The following PLIN3 variants were observed in gnomAD, a reference collection of about 807,000 sequenced individuals.
The protein encoded by PLIN3 is perilipin 3, also known as perilipin-3.
Under a neutral mutation model 35.9 loss-of-function variants are expected in PLIN3, and 30 were observed. The ratio of observed to expected loss-of-function variants is 0.84; its 90% CI spans 0.62 to 1.13. The LOEUF is 1.13. Among genes scored for constraint, PLIN3 ranks in the 50% most tolerant of loss-of-function variants. The pLI is 0.00. For synonymous variants in PLIN3, 261 were observed against 262.5 expected, an observed-to-expected ratio of 0.99 and a Z score of 0.06; for missense variants, 603 against 596.9, an observed-to-expected ratio of 1.01 and a Z score of -0.11.
At chr19:4,856,623 C>T (rs2030484006) in intron 4 of PLIN3, among the ~76,000 whole-genome samples, 1 of 151,744 alleles carries the variant, frequency 6.6e-6, no homozygotes, top group East Asian at 1.9e-4. Context: ...GACACAGCCA[C>T]AAAGCAGGCA....
At chr19:4,849,131 C>G (rs897795531) in intron 5 of PLIN3, among the ~76,000 whole-genome samples, 2 of 151,714 alleles carry the variant, frequency 1.3e-5, no homozygotes, top group Admixed American at 1.3e-4. Context: ...CGGCAAGACA[C>G]CTGGCTAATT....
chr19:4,858,992 G>A (rs927249239), intron 4 of PLIN3, among the ~76,000 whole-genome samples: 6 of 151,910 alleles, frequency 3.9e-5, no homozygotes, highest in Admixed American at 2.0e-4. Flanking sequence ...ATGAGCCACC[G>A]CGCCCGGCCA....
chr19:4,847,603 G>C (rs936747806), intron 6 of PLIN3, 88 bp downstream of exon 6: 46 of 1,101,054 alleles, frequency 4.2e-5, no homozygotes, highest in South Asian at 1.6e-4. Context: ...CCTGCAGAGG[G>C]GTGAGCAATA....
chr19:4,839,612 A>T, intron 7 of PLIN3, 76 bp from the exon 8 acceptor site: 1 of 1,125,090 alleles, frequency 8.9e-7, no homozygotes, highest in Non-Finnish European at 1.2e-6. Flanking sequence ...CCAGGGAAAG[A>T]GGGGAAGAGG....
At chr19:4,864,078 A>G (rs1298500759) in intron 1 of PLIN3, among the ~76,000 whole-genome samples, 1 of 147,376 alleles carries the variant, frequency 6.8e-6, no homozygotes, top group Non-Finnish European at 1.5e-5. Context: ...GACTACAGGC[A>G]CGCACCACCA....
chr19:4,859,775 C>T, intron 3 of PLIN3, 51 bp downstream of exon 3: 1 of 1,606,212 alleles, frequency 6.2e-7, no homozygotes, highest in Non-Finnish European at 8.5e-7. Context: ...TACTCCCCAC[C>T]CAGGGAAATG....
intron 1 of PLIN3, 131 bp downstream of exon 1, chr19:4,867,478 C>G (rs1000998994): frequency 6.6e-6 from 1 of 152,140 alleles, no homozygotes; most frequent in Non-Finnish European, 1.5e-5. Context: ...GCTGAAGACC[C>G]CTCCCCAGGC....
intron 6 of PLIN3, among the ~76,000 whole-genome samples, chr19:4,845,382 C>T (rs534221750): frequency 1.4e-4 from 21 of 151,980 alleles, no homozygotes; most frequent in South Asian, 2.1e-4. Context: ...GCTGAGATTG[C>T]GCCACTGCAC....
At chr19:4,855,518 AT>A (rs1488281963) in intron 4 of PLIN3, among the ~76,000 whole-genome samples, 1 of 152,060 alleles carries the variant, frequency 6.6e-6, no homozygotes. Flanking sequence ...ATGGCTGGGC[AT>A]AGTGGCTCAC....
Position 4,844,698 on chromosome 19 carries a change from C to T in PLIN3, c.930G>A (p.Gln310=). The T allele has an allele frequency of 6.2e-7, 1 of 1,609,498 alleles. No homozygotes were observed. Among genetic ancestry groups the T allele is most frequent in the Non-Finnish European group, 8.5e-7 (1 of 1,178,256 alleles). ...GCTTGGGCGGCTCCTTCTCGGGGCC[C>T]TGGAGCTGCTTCTGGTTCCAGCTGA... ...MWLSWNQKQL[Q]GPEKEPPKPE... The change falls in exon 7 of 8, where the codon CAG becomes CAA. Residue 310 remains glutamine (Q), a synonymous_variant. Transcript: ENST00000221957.
At chr19:4,847,602 G>A (rs1416643595) in intron 6 of PLIN3, 89 bp downstream of exon 6, 1 of 1,089,452 alleles carries the variant, frequency 9.2e-7, no homozygotes, top group Non-Finnish European at 1.4e-6. Context: ...GCCTGCAGAG[G>A]GGTGAGCAAT....
intron 5 of PLIN3, 130 bp from the exon 6 acceptor site, chr19:4,848,020 G>A: frequency 1.4e-6 from 1 of 736,140 alleles, no homozygotes; most frequent in Non-Finnish European, 2.2e-6. Flanking sequence ...GTCTCGCTCT[G>A]TCGCCCAGGT....
At chr19:4,851,940 C>G (rs529607715) in intron 5 of PLIN3, 76 bp downstream of exon 5, 2 of 1,469,282 alleles carry the variant, frequency 1.4e-6, no homozygotes, top group African/African-American at 1.4e-5. Flanking sequence ...TCGGCACAGA[C>G]CCCAGGAGGC....
intron 4 of PLIN3, among the ~76,000 whole-genome samples, chr19:4,857,236 G>C (rs2030504473): frequency 6.6e-6 from 1 of 151,972 alleles, no homozygotes; most frequent in African/African-American, 2.4e-5. Context: ...CCAAGAGTTG[G>C]AGACCGGCCT....
intron 6 of PLIN3, among the ~76,000 whole-genome samples, chr19:4,845,216 A>G (rs1184329699): frequency 6.6e-6 from 1 of 151,906 alleles, no homozygotes; most frequent in Non-Finnish European, 1.5e-5. Context: ...ACCTGAGTTC[A>G]GGAGTTCGAG....
At chr19:4,845,494 C>A (rs778379206) in intron 6 of PLIN3, among the ~76,000 whole-genome samples, 9 of 152,040 alleles carry the variant, frequency 5.9e-5, no homozygotes, top group Non-Finnish European at 7.4e-5. Flanking sequence ...TCCAAAGGAA[C>A]GAAGCAGGCT....
Position 4,845,674 on chromosome 19 carries a change from C to T in PLIN3, c.835-881G>A, listed in dbSNP as rs144868544. 5.7e-4 allele frequency among the ~76,000 whole-genome samples: 87 copies of T among 152,218 alleles called. 1 individual carries two copies. The highest frequency in any genetic ancestry group is 2.1e-3 in the African/African-American group (86 of 41,560). The stretch of plus-strand genomic sequence containing the variant: ...GCGCAGTGGCTCACACCTGTAATCC[C>T]AGCACTTTGGGAGGCCGAGGCGGGT... On this transcript the variant is annotated intron_variant, in intron 6 of 7. Transcript: ENST00000221957.
At chr19:4,867,653 ACCAGCTTGGAAACCGTCCGGGC>A (rs941001024) in exon 1 of PLIN3, 2 of 151,806 alleles carry the variant, frequency 1.3e-5, no homozygotes, top group African/African-American at 4.8e-5. Context: ...CGACTTCAAA[ACCAGCTTGGAAACCGTCCGGGC>A]CGAGGCGGGG....
intron 1 of PLIN3, among the ~76,000 whole-genome samples, chr19:4,865,966 G>A (rs1211691675): frequency 2.0e-5 from 3 of 149,800 alleles, no homozygotes; most frequent in African/African-American, 7.4e-5. Context: ...CTCATGATCC[G>A]CCCGCCTCGG....
Sources: gnomAD v4.1 joint callset for allele counts (sites outside exome capture counted in the v4.1 genomes callset) on GRCh38, gnomAD v4.1.1 for gene constraint, MANE v1.5 for transcripts, NCBI Gene and HGNC (gene_info 2026-07-23, HGNC 2026-07-21) for gene names.